IL31RA: variants seen among roughly 807,000 people sequenced by gnomAD.
The protein encoded by IL31RA is interleukin-31 receptor subunit alpha.
A neutral mutation model predicts 83.7 loss-of-function variants in IL31RA; 66 were observed. The ratio of observed to expected loss-of-function variants is 0.79; its 90% confidence interval spans 0.65 to 0.97. The LOEUF is 0.97. IL31RA is among the 50% of genes least tolerant of loss of function. The pLI is 0.00. For missense variants in IL31RA, 798 were observed against 919.4 expected (o/e 0.87, Z 1.71); for synonymous variants, 325 against 329.0 (o/e 0.99, Z 0.13).
intron 7 of IL31RA, among the ~76,000 whole-genome samples, chr5:55,898,334 C>T (rs903159186): frequency 7.7e-5 from 11 of 143,574 alleles, no homozygotes; most frequent in African/African-American, 1.5e-4. Context: ...CCCGCCCCCC[C>T]GCACCTTCAA....
At chr5:55,884,560 G>C (rs556920903) in intron 5 of IL31RA, among the ~76,000 whole-genome samples, 1 of 151,996 alleles carries the variant, frequency 6.6e-6, no homozygotes, top group African/African-American at 2.4e-5. Context: ...TCAGCCTCTC[G>C]AGCAGCTAGG....
chr5:55,892,367 G>C (rs188578248), intron 6 of IL31RA, among the ~76,000 whole-genome samples: 1 of 152,208 alleles, frequency 6.6e-6, no homozygotes, highest in African/African-American at 2.4e-5. Flanking sequence ...CCAAGTTGCA[G>C]ACTGGTCTCA....
intron 2 of IL31RA, among the ~76,000 whole-genome samples, chr5:55,865,525 T>C (rs1042565297): frequency 6.6e-6 from 1 of 152,204 alleles, no homozygotes; most frequent in African/African-American, 2.4e-5. Flanking sequence ...TTTACAACCC[T>C]TTTAAAATCC....
rs897242353 is a variant in IL31RA, at chr5:55,922,224, A to G, written c.*5104A>G. Among the ~76,000 whole-genome samples the G allele has an allele frequency of 6.6e-5, 10 of 152,036 alleles. No homozygotes were observed. Among genetic ancestry groups the G allele is most frequent in the African/African-American group, 2.2e-4 (9 of 41,400 alleles). ...ACAATAGCCCTTGACACAGAGCTCT[A>G]TGCAGGGCTGTGCTGCCCAAGACGC... is the stretch of plus-strand genomic sequence containing the variant. On this transcript the variant is annotated 3_prime_UTR_variant, in exon 15 of 15. Coordinates refer to ENST00000652347, the MANE Select transcript of IL31RA (RefSeq NM_139017.7).
intron 4 of IL31RA, among the ~76,000 whole-genome samples, chr5:55,882,443 G>A (rs6450355): frequency 0.11 from 16,826 of 151,984 alleles, 1,646 homozygotes; most frequent in African/African-American, 0.27. Flanking sequence ...TACGGAAAAC[G>A]GCTGAAAGGA....
intron 2 of IL31RA, among the ~76,000 whole-genome samples, chr5:55,867,148 C>G (rs1165997522): frequency 1.4e-5 from 1 of 73,120 alleles, no homozygotes; most frequent in Non-Finnish European, 2.9e-5. Flanking sequence ...TGTGTGTGTG[C>G]ATGTGTGTTT....
At chr5:55,905,919 T>A (rs561491072) in intron 8 of IL31RA, among the ~76,000 whole-genome samples, 187 bp from the exon 9 acceptor site, 4 of 152,336 alleles carry the variant, frequency 2.6e-5, no homozygotes, top group African/African-American at 9.6e-5. Flanking sequence ...CACTTACTCC[T>A]CAAGGTGTTG....
chr5:55,914,578 A>T (rs1326587586), intron 13 of IL31RA, among the ~76,000 whole-genome samples: 1 of 152,166 alleles, frequency 6.6e-6, no homozygotes, highest in South Asian at 2.1e-4. Context: ...GGGACCAGGT[A>T]TGGAGATGCT....
chr5:55,852,017 A>G (rs1745099143), intron 1 of IL31RA, among the ~76,000 whole-genome samples: 1 of 152,204 alleles, frequency 6.6e-6, no homozygotes, highest in Non-Finnish European at 1.5e-5. Flanking sequence ...CTTAACCAGA[A>G]TTCTATTTAA....
At position 55,898,368 on chromosome 5, in the gene IL31RA, T is replaced by A. The variant is rs558196491; in HGVS notation, c.853-1548T>A. Among the ~76,000 whole-genome samples the A allele has an allele frequency of 1.1e-4, 14 of 123,494 alleles. No homozygotes were observed. The South Asian group carries it at 3.8e-3, about 33-fold the overall frequency. The allele number at this position is 123,494 out of a possible 152,430, so 81.0% of individuals were successfully genotyped here. On this transcript the variant is annotated intron_variant, in intron 7 of 14. Transcript: ENST00000652347. ...AAAAGGAAAGAGCTCTCTAAGAATT[T>A]GAGTTGGTTAAAAAAGAATGTACTA...
chr5:55,868,709 C>T, intron 2 of IL31RA, 82 bp from the exon 3 acceptor site: 1 of 876,662 alleles, frequency 1.1e-6, no homozygotes, highest in Non-Finnish European at 1.9e-6. Flanking sequence ...GCATATTTTC[C>T]ATTAAAAATG....
chr5:55,864,742 TAC>T (rs1216311036), intron 2 of IL31RA, among the ~76,000 whole-genome samples: 2 of 147,144 alleles, frequency 1.4e-5, no homozygotes, highest in African/African-American at 2.5e-5. Context: ...CTGCACACAC[TAC>T]ACACACACCA....
At chr5:55,877,596 A>C (rs1372976241) in intron 4 of IL31RA, among the ~76,000 whole-genome samples, 1 of 152,156 alleles carries the variant, frequency 6.6e-6, no homozygotes. Flanking sequence ...ATTTTTGAAG[A>C]ATAGTTTTGC....
chr5:55,851,172 G>A (rs1745048421), upstream of IL31RA, among the ~76,000 whole-genome samples: 1 of 152,094 alleles, frequency 6.6e-6, no homozygotes, highest in Non-Finnish European at 1.5e-5. Context: ...GTGCCTGTGA[G>A]CCTCTGGTCA....
intron 2 of IL31RA, among the ~76,000 whole-genome samples, chr5:55,866,966 G>A (rs898642266): frequency 2.7e-5 from 3 of 111,020 alleles, no homozygotes; most frequent in South Asian, 3.4e-4. Context: ...TCACAAAAAT[G>A]CCTGCTTCTT....
At chr5:55,884,107 G>A (rs1747434687) in intron 5 of IL31RA, among the ~76,000 whole-genome samples, 1 of 152,096 alleles carries the variant, frequency 6.6e-6, no homozygotes, top group Admixed American at 6.6e-5. Flanking sequence ...TAAGCCTTTT[G>A]CATGTTTTTT....
intron 8 of IL31RA, among the ~76,000 whole-genome samples, chr5:55,905,205 AAAAAAAAAAAAG>A (rs1489573514): frequency 3.3e-5 from 5 of 150,700 alleles, no homozygotes; most frequent in Non-Finnish European, 4.4e-5. Context: ...TGCCTCAAAA[AAAAAAAAAAAAG>A]AAAGAAAGAA....
At position 55,917,111 on chromosome 5, in the gene IL31RA, A is replaced by G. The variant is rs1191512156; in HGVS notation, c.2286A>G (p.Gly762=). 1.9e-6 allele frequency: 3 copies of G among 1,614,110 alleles called. No individual in the cohort carries two copies. Among genetic ancestry groups the G allele is most frequent in the Non-Finnish European group, 2.5e-6 (3 of 1,180,012 alleles). ...AAAAACTTCCAGAGCACACCAAGGG[A>G]GAAGTCTAAATGCGACCATAGCATG... ...VSEKLPEHTK[G]EV The change falls in exon 15 of 15, where the codon GGA becomes GGG. Residue 762 remains glycine (G), a synonymous_variant. Coordinates refer to ENST00000652347, the MANE Select transcript of IL31RA (RefSeq NM_139017.7).
At chr5:55,878,521 G>C (rs539192075) in intron 4 of IL31RA, among the ~76,000 whole-genome samples, 1 of 152,322 alleles carries the variant, frequency 6.6e-6, no homozygotes, top group South Asian at 2.1e-4. Context: ...TCATAGATTA[G>C]CTGGGCTTAC....
Sources: allele counts gnomAD v4.1 joint callset (sites outside exome capture counted in the v4.1 genomes callset), GRCh38; gene constraint gnomAD v4.1.1; transcripts MANE v1.5; gene names NCBI Gene and HGNC (gene_info 2026-07-23, HGNC 2026-07-21).